SPIDR: variants seen among roughly 807,000 people sequenced by gnomAD.
SPIDR encodes the protein DNA repair-scaffolding protein.
A neutral mutation model predicts 104.6 loss-of-function variants in SPIDR; 93 were observed. That is an observed-to-expected ratio of 0.89 (90% CI 0.75 to 1.06). SPIDR has a LOEUF of 1.06. SPIDR is among the 50% of genes least tolerant of loss of function. The probability of loss-of-function intolerance (pLI) is 0.00; values close to 1 mark genes in which losing one functional copy is unlikely to be tolerated. For synonymous variants in SPIDR, 431 were observed against 416.9 expected (o/e 1.03, Z -0.41); for missense variants, 1,154 against 1,111.2 (o/e 1.04, Z -0.55).
intron 5 of SPIDR, among the ~76,000 whole-genome samples, chr8:47,309,591 C>T (rs2043744782): frequency 6.6e-6 from 1 of 152,152 alleles, no homozygotes; most frequent in African/African-American, 2.4e-5. Flanking sequence ...ACCTTCTTCC[C>T]CTTTCAGTAT....
chr8:47,445,036 C>T (rs1384760243), intron 8 of SPIDR, among the ~76,000 whole-genome samples: 9 of 152,112 alleles, frequency 5.9e-5, no homozygotes, highest in Admixed American at 3.3e-4. Context: ...GCTTTGACTC[C>T]TTGATATTGT....
At chr8:47,611,621 C>A (rs1321089146) in intron 10 of SPIDR, among the ~76,000 whole-genome samples, 1 of 151,950 alleles carries the variant, frequency 6.6e-6, no homozygotes, top group Non-Finnish European at 1.5e-5. Context: ...TGGCGTCAAC[C>A]CAGGAGGCGG....
Position 47,496,847 on chromosome 8 carries a change from A to G in SPIDR, c.1097+56305A>G, listed in dbSNP as rs142245344. ...TTGTTTGTTTGTTTGTTTGTTTGTC[A>G]GAAGTTTTAAGTTACTGACTTAATT... On this transcript the variant is annotated intron_variant, in intron 8 of 19. Coordinates refer to ENST00000297423, the MANE Select transcript of SPIDR (RefSeq NM_001080394.4). Among the ~76,000 whole-genome samples, 453 of 138,196 alleles carry G rather than the reference A, an allele frequency of 3.3e-3. 1 individual carries two copies. Among genetic ancestry groups the G allele is most frequent in the African/African-American group, 0.013 (442 of 33,954 alleles). 90.7% of individuals were successfully genotyped at this position (138,196 alleles called of 152,430 possible). A position where few individuals can be genotyped will look rare whatever the true frequency, so the allele number is the denominator to read the frequency against.
intron 10 of SPIDR, among the ~76,000 whole-genome samples, chr8:47,658,340 C>T (rs1052277904): frequency 2.0e-5 from 3 of 151,930 alleles, no homozygotes; most frequent in African/African-American, 7.3e-5. Flanking sequence ...ATCGCTTGAA[C>T]CCAGGAGGCA....
At chr8:47,685,737 T>C (rs2077722135) in intron 11 of SPIDR, among the ~76,000 whole-genome samples, 1 of 152,026 alleles carries the variant, frequency 6.6e-6, no homozygotes, top group Non-Finnish European at 1.5e-5. Flanking sequence ...GTATTTTTAG[T>C]AGAGACGGGG....
At chr8:47,443,571 C>CAA (rs782463880) in intron 8 of SPIDR, among the ~76,000 whole-genome samples, 54 of 29,818 alleles carry the variant, frequency 1.8e-3, no homozygotes, top group African/African-American at 2.7e-3. Flanking sequence ...ACCCTGTCGC[C>CAA]AAAAAAAAAA....
At chr8:47,609,360 A>G (rs1425300885) in intron 10 of SPIDR, among the ~76,000 whole-genome samples, 3 of 152,172 alleles carry the variant, frequency 2.0e-5, no homozygotes, top group Non-Finnish European at 4.4e-5. Context: ...TTCTTCTAAG[A>G]ATTTTATAGC....
At chr8:47,287,086 G>T (rs1554563771) in intron 3 of SPIDR, among the ~76,000 whole-genome samples, 1 of 152,136 alleles carries the variant, frequency 6.6e-6, no homozygotes, top group South Asian at 2.1e-4. Context: ...CAGTAGGACC[G>T]TGATGCCCAC....
intron 10 of SPIDR, among the ~76,000 whole-genome samples, chr8:47,658,811 C>A (rs546213691): frequency 6.6e-6 from 1 of 151,048 alleles, no homozygotes. Flanking sequence ...TGGCAGGCAC[C>A]TGTAATCCCA....
chr8:47,664,555 A>G (rs1018076078), intron 10 of SPIDR, among the ~76,000 whole-genome samples: 1 of 152,104 alleles, frequency 6.6e-6, no homozygotes, highest in Non-Finnish European at 1.5e-5. Context: ...TGAAAAATTC[A>G]CCAGAAGGGC....
rs1026081800 is a variant in SPIDR at position 47,702,375 on chromosome 8, G to A, written c.1977+360G>A. Among the ~76,000 whole-genome samples the A allele has an allele frequency of 6.6e-5, 10 of 152,228 alleles. No individual in the cohort carries two copies. The East Asian group carries it at 1.9e-3, about 29-fold the overall frequency. ...AATGTTCATTCTTTCCCGACACTTA[G>A]GCAGGTTGAAGAAAGGAAAGAGATG... is the stretch of plus-strand genomic sequence containing the variant. On this transcript the variant is annotated intron_variant, in intron 14 of 19. Transcript: ENST00000297423.
At chr8:47,643,177 G>C (rs1214272012) in intron 10 of SPIDR, among the ~76,000 whole-genome samples, 1 of 152,062 alleles carries the variant, frequency 6.6e-6, no homozygotes, top group Non-Finnish European at 1.5e-5. Flanking sequence ...TTACACAACT[G>C]TGGGATGCTT....
intron 10 of SPIDR, among the ~76,000 whole-genome samples, chr8:47,642,435 A>G (rs1273443225): frequency 3.3e-5 from 5 of 151,748 alleles, no homozygotes; most frequent in African/African-American, 1.2e-4. Context: ...AAAAAAAAGA[A>G]AAAGAATTCG....
chr8:47,379,207 T>A (rs1011189966), intron 5 of SPIDR, among the ~76,000 whole-genome samples: 5 of 152,196 alleles, frequency 3.3e-5, no homozygotes, highest in African/African-American at 1.2e-4. Flanking sequence ...TCCACAGGAA[T>A]GCCTGTGGGC....
intron 8 of SPIDR, among the ~76,000 whole-genome samples, chr8:47,542,383 G>A (rs1310206531): frequency 6.6e-6 from 1 of 152,098 alleles, no homozygotes; most frequent in African/African-American, 2.4e-5. Context: ...AGTTGCGTGA[G>A]TGACTGGAGA....
In SPIDR at chr8:47,598,214, G is replaced by A. The variant is rs541337963; in HGVS notation, c.1294-732G>A. 9.5e-4 allele frequency among the ~76,000 whole-genome samples: 145 copies of A among 152,318 alleles called. 2 individuals are homozygous for A. Among genetic ancestry groups the A allele is most frequent in the Admixed American group, 2.3e-3 (35 of 15,294 alleles). On this transcript the variant is annotated intron_variant, in intron 9 of 19. Coordinates refer to ENST00000297423, the MANE Select transcript of SPIDR (RefSeq NM_001080394.4). ...ATAATGAAACTACTTGTAGCATAAT[G>A]GTTAAACGTGTGAACTTTGGAGCCA...
chr8:47,308,863 G>T (rs587663286), intron 5 of SPIDR, among the ~76,000 whole-genome samples: 4 of 152,362 alleles, frequency 2.6e-5, no homozygotes, highest in African/African-American at 9.6e-5. Context: ...CCTTGGGGCT[G>T]AGGGTGGCAA....
intron 1 of SPIDR, among the ~76,000 whole-genome samples, chr8:47,275,375 A>G (rs2154217578): frequency 6.6e-6 from 1 of 152,274 alleles, no homozygotes; most frequent in Non-Finnish European, 1.5e-5. Context: ...TTTTTATACA[A>G]CTGCTTATAT....
At chr8:47,680,973 C>T (rs567479639) in intron 11 of SPIDR, among the ~76,000 whole-genome samples, 46 of 152,226 alleles carry the variant, frequency 3.0e-4, no homozygotes, top group Non-Finnish European at 5.9e-4. Flanking sequence ...CAGAGGTAGG[C>T]GAATCACTTG....
Sources: allele counts gnomAD v4.1 joint callset (sites outside exome capture counted in the v4.1 genomes callset), GRCh38; gene constraint gnomAD v4.1.1; transcripts MANE v1.5; gene names NCBI Gene and HGNC (gene_info 2026-07-23, HGNC 2026-07-21).